The following GNG7 variants were observed in gnomAD, a reference collection of about 807,000 sequenced individuals.
GNG7 encodes the protein G protein subunit gamma 7, also known as guanine nucleotide-binding protein G(I)/G(S)/G(O) subunit gamma-7.
In GNG7, 1 loss-of-function variant was observed where a neutral mutation model predicts 4.0. The observed-to-expected ratio is 0.25, with a 90% CI of 0.09 to 1.18. GNG7 has a LOEUF of 1.18. Among genes scored for constraint, GNG7 ranks in the 50% most tolerant of loss-of-function variants. GNG7 has a pLI of 0.50. For missense variants in GNG7, 86 were observed against 91.9 expected (o/e 0.94, Z 0.26); for synonymous variants, 34 against 36.9 (o/e 0.92, Z 0.29).
chr19:2,684,086 T>C (rs11879810), intron 1 of GNG7, among the ~76,000 whole-genome samples: 68,733 of 150,644 alleles, frequency 0.46, 17,098 homozygotes, highest in African/African-American at 0.66. Flanking sequence ...TTGGAGAGGC[T>C]GAAGCCAGGT....
intron 1 of GNG7, among the ~76,000 whole-genome samples, chr19:2,647,658 C>A: frequency 6.6e-6 from 1 of 152,060 alleles, no homozygotes; most frequent in East Asian, 1.9e-4. Flanking sequence ...ATCAAGGTTG[C>A]TGTGAGCTAG....
At chr19:2,603,732 C>T (rs1006902024) in intron 2 of GNG7, among the ~76,000 whole-genome samples, 6 of 152,156 alleles carry the variant, frequency 3.9e-5, no homozygotes, top group African/African-American at 1.4e-4. Flanking sequence ...ATAGATCTCC[C>T]AGTTTTTCCT....
intron 4 of GNG7, 78 bp downstream of exon 4, chr19:2,520,530 C>A: frequency 1.3e-6 from 1 of 768,518 alleles, no homozygotes; most frequent in South Asian, 1.5e-5. Flanking sequence ...CTCTGCCCTC[C>A]TGCCGAGCCT....
At chr19:2,665,998 C>G (rs1983300272) in intron 1 of GNG7, among the ~76,000 whole-genome samples, 1 of 149,350 alleles carries the variant, frequency 6.7e-6, no homozygotes, top group Admixed American at 6.7e-5. Flanking sequence ...CCCATATAGC[C>G]AGTATTAGAG....
At chr19:2,563,690 C>T (rs1979815957) in intron 2 of GNG7, among the ~76,000 whole-genome samples, 1 of 152,040 alleles carries the variant, frequency 6.6e-6, no homozygotes, top group Non-Finnish European at 1.5e-5. Flanking sequence ...CCATGTTGCC[C>T]AGGCTGGTCT....
intron 1 of GNG7, among the ~76,000 whole-genome samples, chr19:2,652,219 T>C (rs78529838): frequency 8.6e-5 from 13 of 151,830 alleles, no homozygotes; most frequent in East Asian, 7.8e-4. Context: ...AATTCCCCCT[T>C]GTAGAACCTG....
At chr19:2,657,391 T>TAC (rs1395309346) in intron 1 of GNG7, among the ~76,000 whole-genome samples, 26 of 89,338 alleles carry the variant, frequency 2.9e-4, no homozygotes, top group African/African-American at 1.2e-3. Flanking sequence ...TATATATATA[T>TAC]ATATATATAC....
chr19:2,564,159 G>A (rs1345793318), intron 2 of GNG7, among the ~76,000 whole-genome samples: 1 of 152,178 alleles, frequency 6.6e-6, no homozygotes, highest in Non-Finnish European at 1.5e-5. Context: ...CGTCCTCCTG[G>A]AAGCTTGGCA....
chr19:2,517,890 G>C lies in GNG7; in HGVS notation c.81+2718C>G, dbSNP rs1978291286. On this transcript the variant is annotated intron_variant, in intron 4 of 4. Transcript: ENST00000382159. The stretch of plus-strand genomic sequence containing the variant: ...GGACCTGGGCCCTTCAAACGGCCAG[G>C]AGCCTGTGGGACAGCTTTGGGGTCT... Among the ~76,000 whole-genome samples, 3 of 152,214 alleles carry C rather than the reference G, an allele frequency of 2.0e-5. No homozygotes were observed. In the South Asian group the frequency reaches 6.2e-4, roughly 32 times the overall value.
intron 1 of GNG7, among the ~76,000 whole-genome samples, chr19:2,655,462 C>T (rs1982941940): frequency 6.6e-6 from 1 of 150,514 alleles, no homozygotes; most frequent in Non-Finnish European, 1.5e-5. Context: ...TCTGTCATCC[C>T]AGCACTTTGG....
chr19:2,639,833 GGAAGGAGGGAGGGAAGGA>G (rs1982446174), intron 2 of GNG7, among the ~76,000 whole-genome samples: 1 of 13,632 alleles, frequency 7.3e-5, no homozygotes, highest in African/African-American at 3.7e-4. Flanking sequence ...AGGGAGGGAG[GGAAGGAGGGAGGGAAGGA>G]AGGAAGGGGA....
chr19:2,562,587 C>T (rs542835434), intron 2 of GNG7, among the ~76,000 whole-genome samples: 3 of 152,212 alleles, frequency 2.0e-5, no homozygotes, highest in African/African-American at 7.2e-5. Context: ...TGGGGTGGGG[C>T]CATCCTGGGC....
intron 2 of GNG7, among the ~76,000 whole-genome samples, chr19:2,562,771 T>C: frequency 6.6e-6 from 1 of 152,136 alleles, no homozygotes; most frequent in Non-Finnish European, 1.5e-5. Flanking sequence ...CATAATCCTC[T>C]GCCCTGCTGA....
At chr19:2,649,114 A>T (rs62119811) in intron 1 of GNG7, among the ~76,000 whole-genome samples, 17 of 151,354 alleles carry the variant, frequency 1.1e-4, no homozygotes, top group Non-Finnish European at 2.5e-4. Context: ...TAATTTTTTA[A>T]AAATAGAGAC....
intron 1 of GNG7, among the ~76,000 whole-genome samples, chr19:2,657,678 A>T (rs933190359): frequency 6.6e-6 from 1 of 151,766 alleles, no homozygotes; most frequent in African/African-American, 2.4e-5. Flanking sequence ...ATAGCAAGAC[A>T]CCATCTTTTA....
At chr19:2,569,214 A>G (rs886566214) in intron 2 of GNG7, among the ~76,000 whole-genome samples, 1 of 152,210 alleles carries the variant, frequency 6.6e-6, no homozygotes, top group African/African-American at 2.4e-5. Context: ...AGGGTGCAGC[A>G]TAACTGCTGG....
At chr19:2,575,565 GCACACGCAGA>G (rs1980287946) in intron 2 of GNG7, among the ~76,000 whole-genome samples, 1 of 55,290 alleles carries the variant, frequency 1.8e-5, no homozygotes, top group Admixed American at 2.2e-4. Context: ...ACACACGCAG[GCACACGCAGA>G]CACGCAGGCA....
intron 2 of GNG7, among the ~76,000 whole-genome samples, chr19:2,568,323 A>G (rs1298801684): frequency 2.0e-5 from 3 of 151,230 alleles, no homozygotes; most frequent in Non-Finnish European, 4.4e-5. Flanking sequence ...ACGCACACAC[A>G]CATATACACA....
chr19:2,697,908 G>T (rs1290612193), intron 1 of GNG7, among the ~76,000 whole-genome samples: 5 of 151,928 alleles, frequency 3.3e-5, no homozygotes, highest in African/African-American at 4.8e-5. Flanking sequence ...GGAGGCGGAG[G>T]TTGCAATGAG....
Sources: allele counts gnomAD v4.1 joint callset (sites outside exome capture counted in the v4.1 genomes callset), GRCh38; gene constraint gnomAD v4.1.1; transcripts MANE v1.5; gene names NCBI Gene and HGNC (gene_info 2026-07-23, HGNC 2026-07-21).